Variants in KIN observed in about 807,000 individuals in gnomAD.
The protein encoded by KIN is Kin17 DNA and RNA binding protein.
A neutral mutation model predicts 63.0 loss-of-function variants in KIN; 47 were observed. The ratio of observed to expected loss-of-function variants is 0.75; its 90% CI spans 0.59 to 0.95. KIN has a LOEUF of 0.95. Among genes scored for constraint, KIN ranks in the 40% least tolerant of loss-of-function variants. The pLI is 0.00. For synonymous variants in KIN, 160 were observed against 157.7 expected (o/e 1.01, Z -0.11); for missense variants, 408 against 460.9 (o/e 0.89, Z 1.05).
chr10:7,758,689 AAAG>A (rs1166323500), intron 12 of KIN, among the ~76,000 whole-genome samples: 33 of 152,216 alleles, frequency 2.2e-4, no homozygotes, highest in Admixed American at 3.9e-4. Flanking sequence ...AAAAAAAAAA[AAAG>A]AAATTAATAA....
chr10:7,786,445 G>T (rs1396424306), intron 1 of KIN, among the ~76,000 whole-genome samples: 1 of 152,126 alleles, frequency 6.6e-6, no homozygotes, highest in Admixed American at 6.5e-5. Context: ...AAGTCTGGGT[G>T]TTACAGACTG....
At chr10:7,766,913 T>G (rs983384526) in intron 8 of KIN, among the ~76,000 whole-genome samples, 1 of 151,776 alleles carries the variant, frequency 6.6e-6, no homozygotes, top group Non-Finnish European at 1.5e-5. Context: ...TCCCAGCTAC[T>G]TGGGAGGCTG....
chr10:7,781,777 C>T (rs1258152944), intron 2 of KIN, among the ~76,000 whole-genome samples: 6 of 131,168 alleles, frequency 4.6e-5, no homozygotes, highest in Admixed American at 3.0e-4. Flanking sequence ...AAAAAAAATG[C>T]CTGGCATGTT....
rs1185254923 is a variant in KIN at position 7,754,048 on chromosome 10, G to C, written c.*2032C>G. ...TGAACTCTTGTAGAAGATCAACTCA[G>C]GCAAGGCGTGGTAGCTCACACCTGT... On this transcript the variant is annotated 3_prime_UTR_variant, in exon 13 of 13. Coordinates refer to ENST00000379562, the MANE Select transcript of KIN (RefSeq NM_012311.4). 1 of 456,000 alleles carries C rather than the reference G, an allele frequency of 2.2e-6. No homozygotes were observed. The highest frequency in any genetic ancestry group is 6.9e-5 in the East Asian group (1 of 14,400). The allele number at this position is 456,000 out of a possible 1,614,324, so 28.2% of individuals were successfully genotyped here.
chr10:7,776,977 C>T lies in KIN; in HGVS notation c.559-1178G>A, dbSNP rs1835790418. The stretch of plus-strand genomic sequence containing the variant: ...ATATGAGGCAAGAGGTTCACTTGAG[C>T]ACCAGAGGTCAAGGGTGCAGTGAGC... On this transcript the variant is annotated intron_variant, in intron 5 of 12. Coordinates refer to ENST00000379562, the MANE Select transcript of KIN (RefSeq NM_012311.4). Among the ~76,000 whole-genome samples, 4 of 142,788 alleles carry T rather than the reference C, an allele frequency of 2.8e-5. No individual in the cohort carries two copies. In the Admixed American group the frequency reaches 3.0e-4, roughly 11 times the overall value. The allele number at this position is 142,788 out of a possible 152,430, so 93.7% of individuals were successfully genotyped here.
At chr10:7,783,749 C>T (rs1346037618) in intron 1 of KIN, among the ~76,000 whole-genome samples, 1 of 152,124 alleles carries the variant, frequency 6.6e-6, no homozygotes, top group Non-Finnish European at 1.5e-5. Flanking sequence ...TCATTCTTCA[C>T]TAGTAATAGA....
At chr10:7,787,086 A>AT (rs766235217) in intron 1 of KIN, among the ~76,000 whole-genome samples, 2 of 152,090 alleles carry the variant, frequency 1.3e-5, no homozygotes, top group Non-Finnish European at 1.5e-5. Context: ...GTGTAGCCAT[A>AT]TAAGGCTTTT....
At chr10:7,763,920 T>C in intron 9 of KIN, 129 bp from the exon 10 acceptor site, 2 of 541,434 alleles carry the variant, frequency 3.7e-6, no homozygotes, top group Non-Finnish European at 6.4e-6. Context: ...TAAGAAATGC[T>C]GGAGTTCTCT....
At position 7,751,162 on chromosome 10, in the gene KIN, T is replaced by A. The variant is rs903534096; in HGVS notation, c.*4918A>T. On this transcript the variant is annotated 3_prime_UTR_variant, in exon 13 of 13. Transcript: ENST00000379562. ...ACCAGTGTAATTCTGTGCTTTGCTG[T>A]GTTTACAACTTTCCTTAAAAAATCA... is the stretch of plus-strand genomic sequence containing the variant. 2 of 152,254 alleles carry A rather than the reference T, an allele frequency of 1.3e-5. No homozygotes were observed. Among genetic ancestry groups the A allele is most frequent in the Non-Finnish European group, 2.9e-5 (2 of 68,048 alleles). The allele number at this position is 152,254 out of a possible 1,614,324, so 9.4% of individuals were successfully genotyped here. A position where few individuals can be genotyped will look rare whatever the true frequency, so the allele number is the denominator to read the frequency against.
chr10:7,774,143 G>A (rs1322771759), intron 7 of KIN, among the ~76,000 whole-genome samples: 2 of 152,196 alleles, frequency 1.3e-5, no homozygotes, highest in African/African-American at 4.8e-5. Flanking sequence ...TGGCCGAAAA[G>A]CCTAAAATAT....
chr10:7,771,643 G>A (rs150310256), intron 7 of KIN, among the ~76,000 whole-genome samples: 6,065 of 151,982 alleles, frequency 0.04, 150 homozygotes, highest in South Asian at 0.06. Flanking sequence ...CTGAAATCCC[G>A]GCACTTTGGG....
chr10:7,769,392 C>T lies in KIN; in HGVS notation c.669-47G>A, dbSNP rs574834786. The T allele has an allele frequency of 1.4e-4, 219 of 1,574,244 alleles. 4 individuals carry two copies. The South Asian group carries it at 2.0e-3, about 14-fold the overall frequency. The stretch of plus-strand genomic sequence containing the variant: ...CTTGTTACCAAGAACCATACACAGA[C>T]GAATGCTTTACGATGTGCAAAATTC... On this transcript the variant is annotated intron_variant, in intron 7 of 12. Transcript: ENST00000379562.
At chr10:7,756,229 T>A (rs1428661640) in intron 12 of KIN, 87 bp from the exon 13 acceptor site, 1 of 719,120 alleles carries the variant, frequency 1.4e-6, no homozygotes, top group Non-Finnish European at 2.2e-6. Flanking sequence ...GATACAAATT[T>A]GCCTTTTCCG....
At chr10:7,779,868 A>C (rs1254060612) in intron 4 of KIN, among the ~76,000 whole-genome samples, 188 bp downstream of exon 4, 1 of 152,252 alleles carries the variant, frequency 6.6e-6, no homozygotes, top group African/African-American at 2.4e-5. Flanking sequence ...CTAAGTATTT[A>C]ATGTCCAACA....
At chr10:7,766,798 C>T (rs1021665842) in intron 8 of KIN, among the ~76,000 whole-genome samples, 2 of 151,816 alleles carry the variant, frequency 1.3e-5, no homozygotes, top group African/African-American at 2.4e-5. Flanking sequence ...CTGAGGTGGG[C>T]GGATCACGAG....
At position 7,752,111 on chromosome 10, in the gene KIN, G is replaced by T. The variant is rs1175789750; in HGVS notation, c.*3969C>A. The T allele has an allele frequency of 2.1e-5, 3 of 143,650 alleles. No individual in the cohort carries two copies. The highest frequency in any genetic ancestry group is 3.1e-5 in the Non-Finnish European group (2 of 63,968). The allele number at this position is 143,650 out of a possible 1,614,324, so 8.9% of individuals were successfully genotyped here. The stretch of plus-strand genomic sequence containing the variant: ...ATGAAAATCTTGGGGTGTTAAAAAA[G>T]AATAGCTTAAAACAAAATGAGAAGA... On this transcript the variant is annotated 3_prime_UTR_variant, in exon 13 of 13. Coordinates refer to ENST00000379562, the MANE Select transcript of KIN (RefSeq NM_012311.4).
At chr10:7,771,908 A>AAAAG (rs1216737655) in intron 7 of KIN, among the ~76,000 whole-genome samples, 14 of 151,726 alleles carry the variant, frequency 9.2e-5, no homozygotes, top group African/African-American at 3.4e-4. Flanking sequence ...AAAAAAAAAA[A>AAAAG]AAAGAAAGAA....
chr10:7,787,475 A>C (rs2853763), intron 1 of KIN, among the ~76,000 whole-genome samples: 147,746 of 152,290 alleles, frequency 0.97, 71,757 homozygotes, highest in East Asian at 1. Context: ...CAAGTCAAGT[A>C]AGAGCTGATG....
intron 1 of KIN, among the ~76,000 whole-genome samples, chr10:7,787,600 T>G (rs1018685991): frequency 2.0e-5 from 3 of 152,096 alleles, no homozygotes; most frequent in Admixed American, 2.0e-4. Flanking sequence ...TGGGGAGGAA[T>G]GAGGGGTCGC....
Sources: gnomAD v4.1 joint callset for allele counts (sites outside exome capture counted in the v4.1 genomes callset) on GRCh38, gnomAD v4.1.1 for gene constraint, MANE v1.5 for transcripts, NCBI Gene and HGNC (gene_info 2026-07-23, HGNC 2026-07-21) for gene names.